The following INSL6 variants were observed in gnomAD, a reference collection of about 807,000 sequenced individuals.
The protein encoded by INSL6 is insulin-like peptide INSL6.
Under a neutral mutation model 9.4 loss-of-function variants are expected in INSL6, and 16 were observed. The observed-to-expected ratio is 1.70, with a 90% confidence interval of 1.15 to 2.59. INSL6 has a LOEUF of 2.59. INSL6 is among the 30% of genes most tolerant of loss of function. INSL6 has a pLI of 0.00. For synonymous variants in INSL6, 154 were observed against 96.9 expected (o/e 1.59, Z -3.46); for missense variants, 391 against 257.3 (o/e 1.52, Z -3.56).
intron 2 of INSL6, among the ~76,000 whole-genome samples, chr9:5,153,992 C>CAA (rs35648160): frequency 6.6e-6 from 1 of 152,068 alleles, no homozygotes; most frequent in Non-Finnish European, 1.5e-5. Flanking sequence ...CATGTGGAAC[C>CAA]AAAAAAGAGC....
the INSL6 span, among the ~76,000 whole-genome samples, chr9:5,046,832 T>A: frequency 6.6e-6 from 1 of 152,208 alleles, no homozygotes; most frequent in African/African-American, 2.4e-5. Context: ...CTGTTGCTTT[T>A]ACGGGTATAT....
At chr9:5,064,963 A>G in the INSL6 span, 1 of 1,608,612 alleles carries the variant, frequency 6.2e-7, no homozygotes. Context: ...CTGCAGATGC[A>G]CATCATTACC....
At chr9:5,178,554 G>C (rs77613857) in intron 1 of INSL6, among the ~76,000 whole-genome samples, 2 of 152,198 alleles carry the variant, frequency 1.3e-5, no homozygotes, top group Admixed American at 6.5e-5. Flanking sequence ...CCTGTGGGGA[G>C]GGGCAGCCAC....
chr9:5,068,388 A>G, the INSL6 span, among the ~76,000 whole-genome samples: 457 of 152,346 alleles, frequency 3.0e-3, 1 homozygote, highest in African/African-American at 0.011. Context: ...ATAATTATAC[A>G]AATACAATGG....
At chr9:5,041,111 A>C in the INSL6 span, 1 of 812,492 alleles carries the variant, frequency 1.2e-6, no homozygotes. Flanking sequence ...TTCGACCTTC[A>C]CGCCCAAGAC....
chr9:5,065,000 G>A, the INSL6 span: 308 of 1,607,174 alleles, frequency 1.9e-4, 1 homozygote, highest in East Asian at 4.5e-3. Context: ...ACCTCCAGCC[G>A]TGCTTGAAAA....
chr9:5,002,546 A>G, the INSL6 span, among the ~76,000 whole-genome samples: 6 of 151,950 alleles, frequency 3.9e-5, no homozygotes, highest in African/African-American at 1.4e-4. Context: ...TTATGGACCA[A>G]CCTATGGTAT....
chr9:5,169,490 C>A (rs1398845567), intron 1 of INSL6, among the ~76,000 whole-genome samples: 1 of 152,140 alleles, frequency 6.6e-6, no homozygotes, highest in African/African-American at 2.4e-5. Flanking sequence ...AACCAGCCAG[C>A]ATCATGATGA....
At chr9:5,011,934 C>G in the INSL6 span, among the ~76,000 whole-genome samples, 1 of 152,150 alleles carries the variant, frequency 6.6e-6, no homozygotes, top group African/African-American at 2.4e-5. Context: ...GAGATATTTA[C>G]CAGTTCCCTC....
the INSL6 span, among the ~76,000 whole-genome samples, chr9:5,055,493 T>C: frequency 2.0e-5 from 3 of 152,038 alleles, no homozygotes; most frequent in Admixed American, 6.6e-5. Flanking sequence ...TCAAGCAAGA[T>C]ACAGCATAGT....
the INSL6 span, among the ~76,000 whole-genome samples, chr9:5,029,403 T>TA: frequency 1.3e-5 from 2 of 152,064 alleles, no homozygotes; most frequent in South Asian, 4.1e-4. Flanking sequence ...GATATAATAA[T>TA]AAAAAAGTTT....
intron 2 of INSL6, among the ~76,000 whole-genome samples, chr9:5,145,577 G>C (rs1032784876): frequency 2.4e-4 from 37 of 152,120 alleles, no homozygotes; most frequent in African/African-American, 8.7e-4. Context: ...ACTCTTCCCA[G>C]CTCTTTCAGA....
the INSL6 span, among the ~76,000 whole-genome samples, chr9:5,095,249 T>C: frequency 3.3e-5 from 5 of 152,114 alleles, no homozygotes; most frequent in South Asian, 2.1e-4. Context: ...GCTCAACTTA[T>C]TATCTCTCTT....
chr9:5,128,080 T>TTGTGTGTGTGTGTGTG (rs139964957), intron 3 of INSL6: 21 of 224,692 alleles, frequency 9.3e-5, no homozygotes, highest in African/African-American at 4.2e-4. Flanking sequence ...ATGGTGGGTT[T>TTGTGTGTGTGTGTGTG]TGTGTGTGTG....
At chr9:5,036,416 C>A in the INSL6 span, among the ~76,000 whole-genome samples, 1 of 152,096 alleles carries the variant, frequency 6.6e-6, no homozygotes, top group African/African-American at 2.4e-5. Flanking sequence ...CCCACATTGC[C>A]AAGTCAATCC....
the INSL6 span, among the ~76,000 whole-genome samples, chr9:5,047,040 A>T: frequency 5.3e-5 from 8 of 152,180 alleles, no homozygotes; most frequent in African/African-American, 1.9e-4. Context: ...GGATTGTCTT[A>T]TCTAGCATGG....
At chr9:5,043,254 C>A in the INSL6 span, among the ~76,000 whole-genome samples, 1 of 151,684 alleles carries the variant, frequency 6.6e-6, no homozygotes, top group South Asian at 2.1e-4. Context: ...ACCAAGTGTA[C>A]GGAAATGGCG....
chr9:5,138,884 GGTT>G (rs1245073672), intron 2 of INSL6, among the ~76,000 whole-genome samples: 8 of 150,252 alleles, frequency 5.3e-5, no homozygotes, highest in African/African-American at 1.2e-4. Flanking sequence ...TCTTCTGTCG[GGTT>G]GTTTTTATAT....
chr9:5,015,948 A>T, the INSL6 span, among the ~76,000 whole-genome samples: 1 of 152,222 alleles, frequency 6.6e-6, no homozygotes, highest in South Asian at 2.1e-4. Flanking sequence ...ATATATATAG[A>T]TTATAAGTGC....
Sources: gnomAD v4.1 joint callset for allele counts (sites outside exome capture counted in the v4.1 genomes callset) on GRCh38, gnomAD v4.1.1 for gene constraint, MANE v1.5 for transcripts, NCBI Gene and HGNC (gene_info 2026-07-23, HGNC 2026-07-21) for gene names.